The following FSTL5 variants were observed in gnomAD, a reference collection of about 807,000 sequenced individuals.
The protein encoded by FSTL5 is follistatin-related protein 5.
A neutral mutation model predicts 89.1 loss-of-function variants in FSTL5; 62 were observed. The ratio of observed to expected loss-of-function variants is 0.70; its 90% confidence interval spans 0.57 to 0.86. The LOEUF (loss-of-function observed/expected upper bound fraction) is 0.86, where lower values mean the gene tolerates loss of function less well. FSTL5 is among the 40% of genes least tolerant of loss of function. The pLI, the probability that FSTL5 is intolerant of heterozygous loss-of-function variation, is 0.00. For synonymous variants in FSTL5, 383 were observed against 346.2 expected, an observed-to-expected ratio of 1.11 and a Z score of -1.18; for missense variants, 1,057 against 1,001.6, an observed-to-expected ratio of 1.06 and a Z score of -0.75.
intron 1 of FSTL5, among the ~76,000 whole-genome samples, chr4:162,135,111 C>CTTAA (rs1732473274): frequency 6.6e-6 from 1 of 152,122 alleles, no homozygotes; most frequent in Non-Finnish European, 1.5e-5. Context: ...CAGTTCTCCA[C>CTTAA]TTAATTAGCT....
chr4:162,046,573 A>T (rs530541738), intron 2 of FSTL5, among the ~76,000 whole-genome samples: 5 of 152,214 alleles, frequency 3.3e-5, no homozygotes, highest in Admixed American at 2.0e-4. Flanking sequence ...GAGAAAATTT[A>T]TGCCTGGCTA....
chr4:161,744,561 C>A (rs1251901230), intron 6 of FSTL5, among the ~76,000 whole-genome samples: 1 of 152,070 alleles, frequency 6.6e-6, no homozygotes, highest in Non-Finnish European at 1.5e-5. Context: ...GCAGCAGAAG[C>A]AGTTTCTGTT....
intron 6 of FSTL5, among the ~76,000 whole-genome samples, chr4:161,707,627 C>T (rs1243249066): frequency 6.6e-6 from 1 of 151,828 alleles, no homozygotes; most frequent in African/African-American, 2.4e-5. Context: ...CGAAATCTTG[C>T]TATTTTAGTA....
chr4:161,654,821 T>C (rs1434746873), intron 7 of FSTL5, among the ~76,000 whole-genome samples: 17 of 152,104 alleles, frequency 1.1e-4, no homozygotes, highest in Admixed American at 1.1e-3. Context: ...CCCCACCTCA[T>C]TTCCACAGAT....
At chr4:161,694,770 T>A (rs1465154475) in intron 6 of FSTL5, among the ~76,000 whole-genome samples, 2 of 151,826 alleles carry the variant, frequency 1.3e-5, no homozygotes, top group Non-Finnish European at 2.9e-5. Flanking sequence ...TTTTTCTCTA[T>A]TCCCAGGGAT....
intron 4 of FSTL5, among the ~76,000 whole-genome samples, chr4:161,894,127 C>T (rs573474663): frequency 6.6e-6 from 1 of 152,168 alleles, no homozygotes; most frequent in Admixed American, 6.5e-5. Context: ...TCTAATTTAA[C>T]ATTATGTCCA....
intron 10 of FSTL5, among the ~76,000 whole-genome samples, chr4:161,516,762 T>G (rs983828076): frequency 1.3e-5 from 2 of 148,168 alleles, no homozygotes; most frequent in African/African-American, 2.5e-5. Flanking sequence ...CACACACAAT[T>G]TTTTTTTCCT....
intron 6 of FSTL5, among the ~76,000 whole-genome samples, chr4:161,661,344 A>T (rs1156367919): frequency 6.6e-6 from 1 of 152,170 alleles, no homozygotes; most frequent in African/African-American, 2.4e-5. Context: ...CATGCCTATC[A>T]TTTCCATTAT....
chr4:161,433,423 G>T (rs927643851), intron 15 of FSTL5, among the ~76,000 whole-genome samples: 1 of 151,716 alleles, frequency 6.6e-6, no homozygotes, highest in African/African-American at 2.4e-5. Flanking sequence ...CATAATAAAA[G>T]CCACATACAA....
At chr4:161,478,595 C>T (rs1729381498) in intron 13 of FSTL5, among the ~76,000 whole-genome samples, 1 of 142,706 alleles carries the variant, frequency 7.0e-6, no homozygotes, top group Admixed American at 6.9e-5. Flanking sequence ...TTGTCAAAAT[C>T]ACCGATTTTT....
Position 161,460,367 on chromosome 4 carries a change from T to G in FSTL5, c.1609-1048A>C, listed in dbSNP as rs565659508. ...ACTTGTCATTTACATTAGGTGTATC[T>G]CCTAATGCTATCCCTCCCCCCTCCC... On this transcript the variant is annotated intron_variant, in intron 13 of 15. Coordinates refer to ENST00000306100, the MANE Select transcript of FSTL5 (RefSeq NM_020116.5). Among the ~76,000 whole-genome samples, 9 of 92,244 alleles carry G rather than the reference T, an allele frequency of 9.8e-5. 2 individuals carry two copies. The South Asian group carries it at 4.3e-3, about 44-fold the overall frequency. 60.5% of individuals were successfully genotyped at this position (92,244 alleles called of 152,430 possible).
intron 15 of FSTL5, among the ~76,000 whole-genome samples, chr4:161,403,760 A>T (rs1363085689): frequency 6.6e-6 from 1 of 152,172 alleles, no homozygotes. Context: ...ATATCTACAG[A>T]TTTCACTAAA....
chr4:161,808,979 G>C (rs1730057087), intron 4 of FSTL5, among the ~76,000 whole-genome samples: 1 of 152,154 alleles, frequency 6.6e-6, no homozygotes, highest in Non-Finnish European at 1.5e-5. Flanking sequence ...AGCACTTTGG[G>C]AGGCCGAGGC....
At chr4:161,775,035 TTAAG>T (rs1741356221) in intron 5 of FSTL5, among the ~76,000 whole-genome samples, 1 of 152,270 alleles carries the variant, frequency 6.6e-6, no homozygotes, top group African/African-American at 2.4e-5. Context: ...AGTTTTTAAA[TTAAG>T]TTACACTATT....
intron 3 of FSTL5, among the ~76,000 whole-genome samples, chr4:162,033,406 T>G (rs914994017): frequency 6.6e-6 from 1 of 152,064 alleles, no homozygotes; most frequent in Non-Finnish European, 1.5e-5. Context: ...AAGTTGACGT[T>G]TTCAAGAGCA....
At chr4:161,658,848 T>C (rs755987974) in intron 6 of FSTL5, among the ~76,000 whole-genome samples, 15 of 152,322 alleles carry the variant, frequency 9.8e-5, no homozygotes, top group Non-Finnish European at 2.1e-4. Flanking sequence ...ACAGAGGAGA[T>C]AATGGGACAT....
At chr4:162,162,603 C>A (rs1733739403) in intron 1 of FSTL5, among the ~76,000 whole-genome samples, 1 of 152,158 alleles carries the variant, frequency 6.6e-6, no homozygotes, top group African/African-American at 2.4e-5. Flanking sequence ...AGGATAACTT[C>A]TATCATTTAA....
At chr4:161,443,002 C>A (rs1340362032) in intron 15 of FSTL5, among the ~76,000 whole-genome samples, 1 of 151,800 alleles carries the variant, frequency 6.6e-6, no homozygotes, top group African/African-American at 2.4e-5. Flanking sequence ...TTTTCTTAAT[C>A]TGGAGGAAAA....
At chr4:162,146,145 C>A (rs1295862093) in intron 1 of FSTL5, among the ~76,000 whole-genome samples, 3 of 151,942 alleles carry the variant, frequency 2.0e-5, no homozygotes, top group African/African-American at 7.3e-5. Context: ...AAAGCTTAAC[C>A]AATTAAGCAC....
Sources: allele counts gnomAD v4.1 joint callset (sites outside exome capture counted in the v4.1 genomes callset), GRCh38; gene constraint gnomAD v4.1.1; transcripts MANE v1.5; gene names NCBI Gene and HGNC (gene_info 2026-07-23, HGNC 2026-07-21).